The following IL31RA variants were observed in gnomAD, a reference collection of about 807,000 sequenced individuals.
IL31RA encodes interleukin 31 receptor A.
A neutral mutation model predicts 83.7 loss-of-function variants in IL31RA; 66 were observed. The observed-to-expected ratio is 0.79, with a 90% confidence interval of 0.65 to 0.97. The LOEUF (loss-of-function observed/expected upper bound fraction) is 0.97, where lower values mean the gene tolerates loss of function less well. IL31RA is among the 50% of genes least tolerant of loss of function. IL31RA has a pLI of 0.00. For synonymous variants in IL31RA, 325 were observed against 329.0 expected (o/e 0.99, Z 0.13); for missense variants, 798 against 919.4 (o/e 0.87, Z 1.71).
chr5:55,849,108 C>T (rs141708320), upstream of IL31RA, among the ~76,000 whole-genome samples: 4 of 152,154 alleles, frequency 2.6e-5, no homozygotes, highest in Admixed American at 1.3e-4. Flanking sequence ...ATAGTTTAAA[C>T]ATTCAAGTGG....
intron 8 of IL31RA, among the ~76,000 whole-genome samples, chr5:55,905,187 C>T (rs1233640777): frequency 6.4e-5 from 9 of 140,854 alleles, no homozygotes; most frequent in Non-Finnish European, 1.2e-4. Flanking sequence ...GGTGACAGGG[C>T]GAGACTCTGC....
intron 1 of IL31RA, among the ~76,000 whole-genome samples, chr5:55,859,000 C>T (rs1745508142): frequency 6.6e-6 from 1 of 152,210 alleles, no homozygotes; most frequent in Non-Finnish European, 1.5e-5. Flanking sequence ...CTGGCATCTC[C>T]ATGCGGGAAT....
At chr5:55,840,203 T>A in the IL31RA span, among the ~76,000 whole-genome samples, 1 of 152,216 alleles carries the variant, frequency 6.6e-6, no homozygotes, top group Admixed American at 6.5e-5. Context: ...CTACTGTTCA[T>A]CTCTTTCTAA....
intron 8 of IL31RA, among the ~76,000 whole-genome samples, chr5:55,904,835 CTT>C (rs10651049): frequency 1.5e-4 from 20 of 132,818 alleles, no homozygotes; most frequent in Admixed American, 4.6e-4. Flanking sequence ...TTTTGGGTTT[CTT>C]TTTTTTTTTT....
At position 55,919,788 on chromosome 5, in the gene IL31RA, C is replaced by T. The variant is rs1394972471; in HGVS notation, c.*2668C>T. Among the ~76,000 whole-genome samples, 1 of 152,142 alleles carries T rather than the reference C, an allele frequency of 6.6e-6. No individual in the cohort carries two copies. The highest frequency in any genetic ancestry group is 1.5e-5 in the Non-Finnish European group (1 of 68,032). On this transcript the variant is annotated 3_prime_UTR_variant, in exon 15 of 15. Coordinates refer to ENST00000652347, the MANE Select transcript of IL31RA (RefSeq NM_139017.7). ...GAGCAGGTTCACAGGATGTGAGCCT[C>T]AGAGTTCAGGGCGCAGGTGACTTCC...
intron 6 of IL31RA, among the ~76,000 whole-genome samples, chr5:55,894,745 C>G (rs2112493054): frequency 6.6e-6 from 1 of 152,302 alleles, no homozygotes; most frequent in East Asian, 1.9e-4. Flanking sequence ...TGAGACACGA[C>G]TCGCTCTGTT....
intron 6 of IL31RA, among the ~76,000 whole-genome samples, chr5:55,895,777 C>T (rs909300392): frequency 7.2e-5 from 11 of 152,122 alleles, no homozygotes; most frequent in African/African-American, 2.7e-4. Context: ...TTTATTGGGC[C>T]ATGGGAAATA....
chr5:55,902,610 C>A (rs1039190644), intron 8 of IL31RA: 2 of 152,176 alleles, frequency 1.3e-5, no homozygotes, highest in Admixed American at 6.5e-5. Context: ...GCACTCCAGC[C>A]TGAGTGACAG....
rs1561532315 is a variant in IL31RA, at chr5:55,851,647, T to C, written c.63+14T>C. On this transcript the variant is annotated intron_variant, in intron 1 of 14. Transcript: ENST00000652347. The stretch of plus-strand genomic sequence containing the variant: ...CCGCAAAACATTGTGAGTATTGATT[T>C]GGGGGGTTACAAATAATTCCTAGCA... The C allele has an allele frequency of 6.2e-7, 1 of 1,613,822 alleles. No homozygotes were observed.
Position 55,917,213 on chromosome 5 carries a change from C to G in IL31RA, c.*93C>G. 1 of 1,600,726 alleles carries G rather than the reference C, an allele frequency of 6.2e-7. No individual in the cohort carries two copies. Among genetic ancestry groups the G allele is most frequent in the Non-Finnish European group, 8.5e-7 (1 of 1,178,962 alleles). ...CTCGGCACGCAGCGCTTGCTTGGCC[C>G]TGCCACATCCTGCCTAGGTTAAAGT... On this transcript the variant is annotated 3_prime_UTR_variant, in exon 15 of 15. Transcript: ENST00000652347.
intron 11 of IL31RA, 159 bp downstream of exon 11, chr5:55,908,570 AC>A: frequency 6.4e-7 from 1 of 1,558,038 alleles, no homozygotes; most frequent in South Asian, 1.2e-5. Context: ...GGCCAAGAGC[AC>A]CCACCTTTTG....
intron 2 of IL31RA, among the ~76,000 whole-genome samples, chr5:55,860,276 G>A (rs975009358): frequency 6.6e-6 from 1 of 152,108 alleles, no homozygotes; most frequent in Non-Finnish European, 1.5e-5. Context: ...GGCTGAGGTG[G>A]GAAGATCACT....
chr5:55,922,635 T>A lies in IL31RA; in HGVS notation c.*5515T>A. On this transcript the variant is annotated 3_prime_UTR_variant, in exon 15 of 15. Transcript: ENST00000652347. ...ATGAGAAGTCTGTTATTAAGTAGAG[T>A]GTGAAAACATGGTTATGGTAATAGG... 3.7e-6 allele frequency: 2 copies of A among 539,908 alleles called. No individual in the cohort carries two copies. Among genetic ancestry groups the A allele is most frequent in the Non-Finnish European group, 6.6e-6 (2 of 304,904 alleles). 33.4% of individuals were successfully genotyped at this position (539,908 alleles called of 1,614,324 possible).
intron 8 of IL31RA, among the ~76,000 whole-genome samples, chr5:55,905,374 A>C (rs1286015371): frequency 6.6e-6 from 1 of 152,046 alleles, no homozygotes; most frequent in East Asian, 1.9e-4. Flanking sequence ...GCCTTGCTGC[A>C]CCTCCAAGAG....
intron 6 of IL31RA, 70 bp downstream of exon 6, chr5:55,890,205 G>A (rs1472454128): frequency 1.3e-6 from 2 of 1,482,198 alleles, no homozygotes; most frequent in African/African-American, 1.4e-5. Context: ...GACTTGGTGG[G>A]GTTTGTCACC....
the IL31RA span, among the ~76,000 whole-genome samples, chr5:55,842,768 C>A: frequency 1.7e-4 from 26 of 152,152 alleles, no homozygotes; most frequent in Non-Finnish European, 3.1e-4. Context: ...CAGTGTCAAG[C>A]ACAGGATCCA....
In IL31RA at chr5:55,867,231, GTT is replaced by G. The variant is rs1371395054; in HGVS notation, c.155-1558_155-1557del. Among the ~76,000 whole-genome samples the G allele has an allele frequency of 2.5e-3, 260 of 105,864 alleles. 7 individuals are homozygous for G. Among genetic ancestry groups the G allele is most frequent in the Middle Eastern group, 0.014 (3 of 216 alleles). 69.5% of individuals were successfully genotyped at this position (105,864 alleles called of 152,430 possible). On this transcript the variant is annotated intron_variant, in intron 2 of 14. Coordinates refer to ENST00000652347, the MANE Select transcript of IL31RA (RefSeq NM_139017.7). ...TGTGCGCATGTGTGTTTGTGTGTGTGTTTGTGTGTGTGTTTGTGTGTGCGTGT... is the reference window on the plus strand; with the variant it reads ...TGTGCGCATGTGTGTTTGTGTGTGTGTGTGTGTGTGTTTGTGTGTGCGTGT...
rs536765326 is a variant in IL31RA, at chr5:55,920,437, A to T, written c.*3317A>T. ...AATGGTTGAAAACAAAAAGAATAAC[A>T]TTTTGTGACAAGAAAAGTCCAAGAA... On this transcript the variant is annotated 3_prime_UTR_variant, in exon 15 of 15. Transcript: ENST00000652347. Among the ~76,000 whole-genome samples, 2 of 152,362 alleles carry T rather than the reference A, an allele frequency of 1.3e-5. No homozygotes were observed. The highest frequency in any genetic ancestry group is 4.8e-5 in the African/African-American group (2 of 41,588).
intron 3 of IL31RA, among the ~76,000 whole-genome samples, chr5:55,870,441 C>G (rs1457999526): frequency 6.6e-6 from 1 of 152,162 alleles, no homozygotes; most frequent in Admixed American, 6.5e-5. Context: ...ACTTTTCTTC[C>G]AGATTTGTCA....
Sources: allele counts gnomAD v4.1 joint callset (sites outside exome capture counted in the v4.1 genomes callset), GRCh38; gene constraint gnomAD v4.1.1; transcripts MANE v1.5; gene names NCBI Gene and HGNC (gene_info 2026-07-23, HGNC 2026-07-21).